ACER3: variants seen among roughly 807,000 people sequenced by gnomAD.
ACER3 encodes alkaline ceramidase 3, also known as alkCDase 3.
ACER3 carries 16 observed loss-of-function variants against 48.9 expected under a neutral mutation model. That is an observed-to-expected ratio of 0.33 (90% CI 0.22 to 0.50). ACER3 has a LOEUF of 0.50. Among genes scored for constraint, ACER3 ranks in the 20% least tolerant of loss-of-function variants. The pLI is 0.98. For missense variants in ACER3, 227 were observed against 326.0 expected, an observed-to-expected ratio of 0.70 and a Z score of 2.34; for synonymous variants, 109 against 107.8, an observed-to-expected ratio of 1.01 and a Z score of -0.07.
intron 3 of ACER3, among the ~76,000 whole-genome samples, chr11:76,962,451 C>T (rs955998902): frequency 6.6e-6 from 1 of 151,128 alleles, no homozygotes; most frequent in Admixed American, 6.5e-5. Context: ...AACTCTTGAC[C>T]TCAGATGATC....
intron 4 of ACER3, among the ~76,000 whole-genome samples, chr11:76,980,709 G>A (rs796403092): frequency 2.0e-5 from 3 of 152,020 alleles, no homozygotes; most frequent in Non-Finnish European, 4.4e-5. Context: ...AATAGTTTTA[G>A]TGCTAGGGAA....
At chr11:76,899,608 G>T (rs1472436254) in intron 1 of ACER3, among the ~76,000 whole-genome samples, 1 of 151,990 alleles carries the variant, frequency 6.6e-6, no homozygotes, top group Non-Finnish European at 1.5e-5. Context: ...AGACTATTAG[G>T]CTTATCTTAA....
intron 1 of ACER3, among the ~76,000 whole-genome samples, chr11:76,900,468 G>T (rs1188656530): frequency 6.6e-6 from 1 of 152,160 alleles, no homozygotes; most frequent in Non-Finnish European, 1.5e-5. Context: ...TTTAGTTTCA[G>T]TGCTAGTATC....
At position 77,020,533 on chromosome 11, in the gene ACER3, C is replaced by T; in HGVS notation, c.*206C>T. The T allele has an allele frequency of 1.8e-6, 1 of 540,756 alleles. No individual in the cohort carries two copies. The highest frequency in any genetic ancestry group is 2.3e-5 in the South Asian group (1 of 43,262). The allele number at this position is 540,756 out of a possible 1,614,324, so 33.5% of individuals were successfully genotyped here. On this transcript the variant is annotated 3_prime_UTR_variant, in exon 11 of 11. Transcript: ENST00000532485. The stretch of plus-strand genomic sequence containing the variant: ...TCATGGCTTTATCTTATTTGTCCCC[C>T]TCCTCCTTTCACGCTCCAGTTTATA...
At chr11:76,918,475 A>G (rs1358624167) in intron 1 of ACER3, among the ~76,000 whole-genome samples, 1 of 152,032 alleles carries the variant, frequency 6.6e-6, no homozygotes, top group African/African-American at 2.4e-5. Flanking sequence ...AAGTACCAAC[A>G]CAATTCCCAG....
intron 3 of ACER3, among the ~76,000 whole-genome samples, chr11:76,966,464 A>T (rs1948140719): frequency 6.6e-6 from 1 of 150,848 alleles, no homozygotes; most frequent in Non-Finnish European, 1.5e-5. Flanking sequence ...CGGACCTCAT[A>T]GACATCTACA....
intron 1 of ACER3, among the ~76,000 whole-genome samples, chr11:76,905,132 A>C (rs7949041): frequency 6.6e-6 from 1 of 151,980 alleles, no homozygotes; most frequent in Non-Finnish European, 1.5e-5. Flanking sequence ...GTTTACAAGC[A>C]TGAGCCACCA....
At chr11:76,944,490 T>G (rs1947426737) in intron 2 of ACER3, among the ~76,000 whole-genome samples, 1 of 90,844 alleles carries the variant, frequency 1.1e-5, no homozygotes. Context: ...ATAAAATTTT[T>G]GGCTGATTCT....
At chr11:76,978,262 GCC>G (rs1395212910) in intron 4 of ACER3, 2 of 152,280 alleles carry the variant, frequency 1.3e-5, no homozygotes, top group East Asian at 3.9e-4. Context: ...GGAGTCTGTG[GCC>G]CAGAGTGAGA....
chr11:76,916,814 G>T (rs1946543909), intron 1 of ACER3, among the ~76,000 whole-genome samples: 1 of 152,048 alleles, frequency 6.6e-6, no homozygotes, highest in South Asian at 2.1e-4. Flanking sequence ...TACTTACCTT[G>T]TTCTTCTCTG....
At chr11:76,902,645 T>G (rs1946109828) in intron 1 of ACER3, among the ~76,000 whole-genome samples, 1 of 152,206 alleles carries the variant, frequency 6.6e-6, no homozygotes, top group Non-Finnish European at 1.5e-5. Flanking sequence ...TGACACTTCA[T>G]ATAGGTCCTG....
rs1323513006 is a variant in ACER3 at position 77,023,128 on chromosome 11, T to C, written c.*2801T>C. 128 of 398,512 alleles carry C rather than the reference T, an allele frequency of 3.2e-4. 1 individual carries two copies. Among genetic ancestry groups the C allele is most frequent in the Non-Finnish European group, 1.8e-5 (4 of 226,070 alleles). The allele number at this position is 398,512 out of a possible 1,614,324, so 24.7% of individuals were successfully genotyped here. On this transcript the variant is annotated 3_prime_UTR_variant, in exon 11 of 11. Coordinates refer to ENST00000532485, the MANE Select transcript of ACER3 (RefSeq NM_018367.7). ...TCCCCACCACCTGAAGTGATCTTTT[T>C]AATCCTTGTGATAGTAAATGCATTG...
chr11:76,915,227 A>G (rs75342116), intron 1 of ACER3, among the ~76,000 whole-genome samples: 1 of 151,972 alleles, frequency 6.6e-6, no homozygotes, highest in African/African-American at 2.4e-5. Flanking sequence ...TAAAAAAAAA[A>G]GACAGCAAAA....
chr11:76,984,975 C>T (rs7121715), intron 4 of ACER3, among the ~76,000 whole-genome samples: 3,221 of 152,292 alleles, frequency 0.021, 116 homozygotes, highest in African/African-American at 0.074. Flanking sequence ...CCCCTTCCCT[C>T]TTTTTGCCAT....
chr11:76,886,721 C>G (rs183924920), intron 1 of ACER3, among the ~76,000 whole-genome samples: 2 of 152,282 alleles, frequency 1.3e-5, no homozygotes, highest in Admixed American at 1.3e-4. Context: ...GACTCTGTGG[C>G]CCAGGCTGGA....
At chr11:76,974,454 C>A (rs772732642) in intron 3 of ACER3, among the ~76,000 whole-genome samples, 4 of 152,090 alleles carry the variant, frequency 2.6e-5, no homozygotes, top group Non-Finnish European at 5.9e-5. Context: ...AGAAAAAAAT[C>A]TTTCAATTAC....
intron 1 of ACER3, among the ~76,000 whole-genome samples, chr11:76,874,935 C>T (rs766535360): frequency 6.6e-6 from 1 of 151,962 alleles, no homozygotes; most frequent in Non-Finnish European, 1.5e-5. Flanking sequence ...TTTGCACATG[C>T]TGTTGGCTTG....
chr11:76,940,406 A>C (rs1947306624), intron 2 of ACER3, among the ~76,000 whole-genome samples: 1 of 152,226 alleles, frequency 6.6e-6, no homozygotes, highest in Non-Finnish European at 1.5e-5. Context: ...TAAATGGGAA[A>C]TGGGTTAAAA....
At position 77,025,406 on chromosome 11, in the gene ACER3, A is replaced by ATT. The variant is rs1565235972; in HGVS notation, c.*5080_*5081insTT. The ATT allele has an allele frequency of 5.5e-5, 8 of 144,270 alleles. No homozygotes were observed. The highest frequency in any genetic ancestry group is 2.2e-4 in the South Asian group (1 of 4,640). The allele number at this position is 144,270 out of a possible 1,614,324, so 8.9% of individuals were successfully genotyped here. On this transcript the variant is annotated 3_prime_UTR_variant, in exon 11 of 11. Coordinates refer to ENST00000532485, the MANE Select transcript of ACER3 (RefSeq NM_018367.7). ...TATTTTATTCTTTATATATATATAT[A>ATT]TATATTTATTTATTTTTTTGAGACA...
Sources: gnomAD v4.1 joint callset for allele counts (sites outside exome capture counted in the v4.1 genomes callset) on GRCh38, gnomAD v4.1.1 for gene constraint, MANE v1.5 for transcripts, NCBI Gene and HGNC (gene_info 2026-07-23, HGNC 2026-07-21) for gene names.